Variants in FBXO34 observed in about 807,000 individuals in gnomAD.
The protein encoded by FBXO34 is F-box only protein 34.
FBXO34 carries 12 observed loss-of-function variants against 24.5 expected under a neutral mutation model. The observed-to-expected ratio is 0.49, with a 90% CI of 0.31 to 0.79. The LOEUF is 0.79. Among genes scored for constraint, FBXO34 ranks in the 30% least tolerant of loss-of-function variants. The pLI is 0.04. For synonymous variants in FBXO34, 320 were observed against 311.9 expected, an observed-to-expected ratio of 1.03 and a Z score of -0.27; for missense variants, 823 against 857.7, an observed-to-expected ratio of 0.96 and a Z score of 0.51.
chr14:55,317,347 G>A (rs894435711), intron 1 of FBXO34, among the ~76,000 whole-genome samples: 2 of 152,102 alleles, frequency 1.3e-5, no homozygotes, highest in Admixed American at 6.6e-5. Flanking sequence ...AGGCGAGGTC[G>A]TGCATGCCTG....
the FBXO34 span, among the ~76,000 whole-genome samples, chr14:55,409,228 T>G: frequency 6.6e-6 from 1 of 152,210 alleles, no homozygotes; most frequent in South Asian, 2.1e-4. Flanking sequence ...ACTCCCAGTT[T>G]TCTGGCTTTA....
intron 1 of FBXO34, among the ~76,000 whole-genome samples, chr14:55,280,796 G>C (rs1433939365): frequency 6.6e-6 from 1 of 152,084 alleles, no homozygotes; most frequent in Non-Finnish European, 1.5e-5. Flanking sequence ...GAAGTGCTGG[G>C]ATTACAGGCG....
the FBXO34 span, among the ~76,000 whole-genome samples, chr14:55,415,558 T>C: frequency 1.3e-5 from 2 of 152,146 alleles, no homozygotes; most frequent in Non-Finnish European, 2.9e-5. Context: ...TGCCCGTCAA[T>C]GGATGGATAA....
chr14:55,319,180 T>C (rs1257058072), intron 1 of FBXO34, among the ~76,000 whole-genome samples: 2 of 152,158 alleles, frequency 1.3e-5, no homozygotes, highest in Non-Finnish European at 2.9e-5. Flanking sequence ...AATGCACATA[T>C]TTACACTTTT....
intron 1 of FBXO34, among the ~76,000 whole-genome samples, chr14:55,344,944 G>C (rs1366630284): frequency 1.3e-5 from 2 of 150,874 alleles, no homozygotes; most frequent in Non-Finnish European, 3.0e-5. Context: ...GGGCAGCAAC[G>C]ATGTTTTACT....
At chr14:55,324,161 A>G (rs777578531) in intron 1 of FBXO34, among the ~76,000 whole-genome samples, 29 of 151,296 alleles carry the variant, frequency 1.9e-4, no homozygotes, top group African/African-American at 7.0e-4. Context: ...CTTCTTCTGG[A>G]CACTTCATAC....
downstream of FBXO34, among the ~76,000 whole-genome samples, chr14:55,364,520 T>G (rs1473923864): frequency 6.6e-6 from 1 of 151,668 alleles, no homozygotes; most frequent in East Asian, 1.9e-4. Context: ...TGCCTCCTAG[T>G]TTCATGTGAT....
intron 1 of FBXO34, among the ~76,000 whole-genome samples, chr14:55,343,599 A>C (rs1345429475): frequency 1.3e-5 from 2 of 151,894 alleles, no homozygotes; most frequent in East Asian, 3.9e-4. Context: ...CTAATAAGTG[A>C]CTCCTTTTTG....
intron 1 of FBXO34, among the ~76,000 whole-genome samples, chr14:55,308,141 C>A (rs777206605): frequency 1.3e-5 from 2 of 152,160 alleles, no homozygotes; most frequent in South Asian, 4.1e-4. Context: ...ATTAGTAGTG[C>A]GAGAACAGAC....
At chr14:55,394,729 C>T in the FBXO34 span, among the ~76,000 whole-genome samples, 5 of 152,108 alleles carry the variant, frequency 3.3e-5, no homozygotes, top group South Asian at 8.3e-4. Flanking sequence ...AAAAACAACA[C>T]GGGAACAGAA....
At chr14:55,383,331 A>C in the FBXO34 span, among the ~76,000 whole-genome samples, 1 of 152,024 alleles carries the variant, frequency 6.6e-6, no homozygotes, top group South Asian at 2.1e-4. Context: ...CAGGCAGATC[A>C]CTTGAGGTCA....
chr14:55,281,270 A>C (rs948704548), intron 1 of FBXO34, among the ~76,000 whole-genome samples: 2 of 151,490 alleles, frequency 1.3e-5, no homozygotes, highest in Non-Finnish European at 1.5e-5. Flanking sequence ...AAAAAAAAAA[A>C]AAAAAAGCAC....
chr14:55,342,702 C>A (rs1884031040), intron 1 of FBXO34, among the ~76,000 whole-genome samples: 1 of 152,080 alleles, frequency 6.6e-6, no homozygotes, highest in African/African-American at 2.4e-5. Context: ...TTGAAACAGC[C>A]TTTTATATGC....
At chr14:55,405,642 C>T in the FBXO34 span, among the ~76,000 whole-genome samples, 2 of 152,222 alleles carry the variant, frequency 1.3e-5, no homozygotes, top group Non-Finnish European at 2.9e-5. Context: ...AAGATTACTT[C>T]AACCTATCAG....
the FBXO34 span, among the ~76,000 whole-genome samples, chr14:55,380,249 A>AAACAAC: frequency 1.8e-3 from 274 of 150,610 alleles, 2 homozygotes; most frequent in East Asian, 6.7e-3. Context: ...CTCTGTCTCA[A>AAACAAC]AACAACAACA....
intron 1 of FBXO34, among the ~76,000 whole-genome samples, chr14:55,343,897 G>T (rs897542263): frequency 3.9e-5 from 6 of 152,186 alleles, no homozygotes; most frequent in African/African-American, 1.4e-4. Context: ...GGAAAGTTTA[G>T]TTGTCTTTTA....
chr14:55,415,916 CAG>C, the FBXO34 span, among the ~76,000 whole-genome samples: 2 of 152,020 alleles, frequency 1.3e-5, no homozygotes, highest in African/African-American at 4.8e-5. Flanking sequence ...TAGTCATAAA[CAG>C]AAATGAAGTA....
intron 1 of FBXO34, among the ~76,000 whole-genome samples, chr14:55,276,466 A>G (rs1881346845): frequency 6.6e-6 from 1 of 152,110 alleles, no homozygotes. Flanking sequence ...CATGCCTATT[A>G]TTAACTATTT....
At chr14:55,440,373 TG>T in the FBXO34 span, 2 of 1,612,698 alleles carry the variant, frequency 1.2e-6, no homozygotes, top group Non-Finnish European at 1.7e-6. Flanking sequence ...GTCCTGACTC[TG>T]GGACAGTGGC....
Sources: allele counts gnomAD v4.1 joint callset (sites outside exome capture counted in the v4.1 genomes callset), GRCh38; gene constraint gnomAD v4.1.1; transcripts MANE v1.5; gene names NCBI Gene and HGNC (gene_info 2026-07-23, HGNC 2026-07-21).